Variants in TACC3 observed in about 807,000 individuals in gnomAD.
TACC3 encodes the protein transforming acidic coiled-coil containing protein 3.
Under a neutral mutation model 86.0 loss-of-function variants are expected in TACC3, and 52 were observed. The ratio of observed to expected loss-of-function variants is 0.60; its 90% confidence interval spans 0.48 to 0.76. TACC3 has a LOEUF of 0.76. Ranked by LOEUF, TACC3 falls within the 30% of genes least tolerant of loss-of-function variation. The pLI is 0.00. For missense variants in TACC3, 1,120 were observed against 1,070.4 expected (o/e 1.05, Z -0.65); for synonymous variants, 512 against 430.0 (o/e 1.19, Z -2.36).
chr4:1,723,497 C>T lies in TACC3; in HGVS notation c.76C>T (p.Pro26Ser), dbSNP rs1305650087. ...AGAAAATTGCGACTTCCTGTTTTCG[C>T]CACCAGAAGTTACCGGAAGATCGTC... ...NTENCDFLFS[P>S]PEVTGRSSVL... is the part of the protein sequence containing the mutation. Residue 26 changes from proline to serine, a missense_variant, in exon 2 of 16, where the codon CCA becomes TCA. Transcript: ENST00000313288. 1.2e-6 allele frequency: 2 copies of T among 1,613,668 alleles called. No homozygotes were observed. The highest frequency in any genetic ancestry group is 2.7e-5 in the African/African-American group (2 of 74,926).
At chr4:1,733,347 A>G (rs1368719447) in intron 6 of TACC3, among the ~76,000 whole-genome samples, 1 of 152,230 alleles carries the variant, frequency 6.6e-6, no homozygotes, top group Non-Finnish European at 1.5e-5. Flanking sequence ...GTCCCTTATC[A>G]GATGATGTTT....
In TACC3 at chr4:1,740,846, G is replaced by A. The variant is rs1006040037; in HGVS notation, c.2083G>A (p.Glu695Lys). The A allele has an allele frequency of 6.2e-7, 1 of 1,609,580 alleles. No homozygotes were observed. Among genetic ancestry groups the A allele is most frequent in the Non-Finnish European group, 8.5e-7 (1 of 1,178,964 alleles). The change falls in exon 13 of 16, where the codon GAA becomes AAA. Residue 695 changes from glutamate (E) to lysine (K), a missense_variant. Coordinates refer to ENST00000313288, the MANE Select transcript of TACC3 (RefSeq NM_006342.3). The part of the protein sequence containing the change: ...QAMEEVQKQK[E>K]LSKAEIQKVL... ...TCAAGAGGAAGTTCAGAAGCAGAAG[G>A]AACTTTCCAAAGCTGAAATCCAGAA...
At position 1,745,042 on chromosome 4, in the gene TACC3, C is replaced by T. The variant is rs1461548777; in HGVS notation, c.*29C>T. 2 of 1,580,988 alleles carry T rather than the reference C, an allele frequency of 1.3e-6. No homozygotes were observed. Among genetic ancestry groups the T allele is most frequent in the African/African-American group, 1.3e-5 (1 of 74,454 alleles). ...CCACGGAGCCGCTGTCCCCGCCCCC[C>T]TGCTCCCGTCTGTCTGTCCTGTCTG... is the stretch of plus-strand genomic sequence containing the variant. On this transcript the variant is annotated 3_prime_UTR_variant, in exon 16 of 16. Coordinates refer to ENST00000313288, the MANE Select transcript of TACC3 (RefSeq NM_006342.3).
chr4:1,739,647 C>A, intron 10 of TACC3, 55 bp from the exon 11 acceptor site: 1 of 1,520,856 alleles, frequency 6.6e-7, no homozygotes. Flanking sequence ...GTGGGGAGGT[C>A]CTGGGAGGGT....
chr4:1,733,730 C>T (rs993046836), intron 6 of TACC3, among the ~76,000 whole-genome samples: 21 of 152,324 alleles, frequency 1.4e-4, no homozygotes, highest in Admixed American at 3.9e-4. Context: ...GTAATCCTAG[C>T]ACTTTGGGAG....
At chr4:1,740,477 T>C in intron 12 of TACC3, 1 of 310,358 alleles carries the variant, frequency 3.2e-6, no homozygotes, top group Non-Finnish European at 6.0e-6. Flanking sequence ...GCCTGGCCCT[T>C]GCAGTCCCTC....
chr4:1,728,765 G>C lies in TACC3; in HGVS notation c.1363G>C (p.Glu455Gln). ...GTTGCATGCTGGGCCTGCCACGGAGGAGCCAGGTCCCTGTCTGAGCCAGTA... is the reference window on the plus strand; with the variant it reads ...GTTGCATGCTGGGCCTGCCACGGAGCAGCCAGGTCCCTGTCTGAGCCAGTA... ...EQLHAGPATE[E>Q]PGPCLSQQLH... Residue 455 changes from glutamate (E) to glutamine (Q), a missense_variant, in exon 4 of 16, where the codon GAG becomes CAG. Physicochemically the swap from Glu to Gln is conservative, Grantham distance 29. Transcript: ENST00000313288. The C allele has an allele frequency of 1.2e-6, 2 of 1,609,308 alleles. No individual in the cohort carries two copies. The highest frequency in any genetic ancestry group is 1.7e-6 in the Non-Finnish European group (2 of 1,178,512).
chr4:1,723,987 G>T, intron 3 of TACC3, 117 bp downstream of exon 3: 1 of 1,202,414 alleles, frequency 8.3e-7, no homozygotes. Flanking sequence ...TTGTTTGTTT[G>T]AGATGGAGTC....
rs1043122383 is a variant in TACC3 at position 1,737,416 on chromosome 4, G to C, written c.1836+88G>C. 54 of 1,369,762 alleles carry C rather than the reference G, an allele frequency of 3.9e-5. No individual in the cohort carries two copies. The Admixed American group carries it at 1.0e-3, about 26-fold the overall frequency. 84.9% of individuals were successfully genotyped at this position (1,369,762 alleles called of 1,614,324 possible). ...GGGCCTATATTTTCTATTCCTGGGG[G>C]TCTGAGCCTTTGGTTTTGTTGGGGG... is the stretch of plus-strand genomic sequence containing the variant. On this transcript the variant is annotated intron_variant, in intron 9 of 15. Transcript: ENST00000313288.
chr4:1,732,614 G>C (rs1718059128), intron 6 of TACC3, among the ~76,000 whole-genome samples: 1 of 152,242 alleles, frequency 6.6e-6, no homozygotes, highest in Non-Finnish European at 1.5e-5. Context: ...ATGGCATGTA[G>C]GGTTTGTCGC....
chr4:1,728,194 C>A lies in TACC3; in HGVS notation c.792C>A (p.Pro264=), dbSNP rs758170032. The stretch of plus-strand genomic sequence containing the variant: ...CTAAGGAAGCCTGCGGAGGAGCACC[C>A]CTGCAGGGTCTGCCTGGCGAAGCCC... ...AIPKEACGGA[P]LQGLPGEALG... Residue 264 remains proline, a synonymous_variant, in exon 4 of 16, where the codon CCC becomes CCA. Transcript: ENST00000313288. 1 of 1,611,726 alleles carries A rather than the reference C, an allele frequency of 6.2e-7. No individual in the cohort carries two copies. Among genetic ancestry groups the A allele is most frequent in the Non-Finnish European group, 8.5e-7 (1 of 1,179,522 alleles).
At chr4:1,730,732 G>A (rs530863103) in intron 4 of TACC3, 155 bp from the exon 5 acceptor site, 28 of 878,382 alleles carry the variant, frequency 3.2e-5, no homozygotes, top group South Asian at 1.2e-4. Context: ...TGGCCAGGTC[G>A]CTTGGGACAG....
intron 1 of TACC3, 104 bp downstream of exon 1, chr4:1,721,747 C>T (rs1297263000): frequency 6.6e-6 from 1 of 152,218 alleles, no homozygotes; most frequent in South Asian, 2.1e-4. Context: ...CCGGCCGCCG[C>T]TTTCCCCGGG....
At chr4:1,743,371 G>A (rs1019488286) in intron 13 of TACC3, among the ~76,000 whole-genome samples, 69 of 151,324 alleles carry the variant, frequency 4.6e-4, no homozygotes, top group African/African-American at 1.7e-3. Flanking sequence ...TGACCAACAT[G>A]GTGAAACCCT....
chr4:1,720,937 C>A, upstream of TACC3: 1 of 1,051,784 alleles, frequency 9.5e-7, no homozygotes, highest in South Asian at 3.3e-5. The surrounding 1 kb of genome is among the most constrained non-coding windows in gnomAD (Gnocchi z 4.4). Flanking sequence ...GCGGCCGCCG[C>A]CCGGCCGCCC....
chr4:1,737,647 C>G lies in TACC3; in HGVS notation c.1886C>G (p.Ser629Cys). ...GVPAPGGPPL[S>C]TGPIVDLLQY... ...CCCGCGCCTGGGGGCCCACCCCTGT[C>G]CACCGGACCTATAGTGGACCTGCTC... The change falls in exon 10 of 16, where the codon TCC becomes TGC. Residue 629 changes from serine (S) to cysteine (C), a missense_variant. Transcript: ENST00000313288. The G allele has an allele frequency of 6.5e-7, 1 of 1,546,092 alleles. No homozygotes were observed. The highest frequency in any genetic ancestry group is 8.7e-7 in the Non-Finnish European group (1 of 1,143,784).
chr4:1,735,548 A>G lies in TACC3; in HGVS notation c.1645-183A>G, dbSNP rs1388490057. On this transcript the variant is annotated intron_variant, in intron 7 of 15. Coordinates refer to ENST00000313288, the MANE Select transcript of TACC3 (RefSeq NM_006342.3). This position sits in a 1 kb window ranked among gnomAD's most constrained non-coding sequence, Gnocchi z 4.2. ...CTCTCTACCTGGTGCCTAGCCCAGG[A>G]TGAAACTCTGACACGCTGTGCTGCT... is the stretch of plus-strand genomic sequence containing the variant. 6.6e-6 allele frequency among the ~76,000 whole-genome samples: 1 copy of G among 151,716 alleles called. No homozygotes were observed. Among genetic ancestry groups the G allele is most frequent in the African/African-American group, 2.4e-5 (1 of 41,258 alleles).
chr4:1,725,752 A>G (rs935622691), intron 3 of TACC3, among the ~76,000 whole-genome samples: 8 of 152,114 alleles, frequency 5.3e-5, no homozygotes, highest in African/African-American at 1.9e-4. Context: ...CCTTTCTGGA[A>G]CTCTGCTGAG....
chr4:1,740,784 G>C (rs374499976), intron 12 of TACC3, 42 bp from the exon 13 acceptor site: 1 of 1,574,526 alleles, frequency 6.4e-7, no homozygotes, highest in Non-Finnish European at 8.6e-7. Context: ...CCATCGTTTC[G>C]GTTGCCTCCT....
Sources: gnomAD v4.1 joint callset for allele counts (sites outside exome capture counted in the v4.1 genomes callset) on GRCh38, gnomAD v4.1.1 for gene constraint, Gnocchi (gnomAD v3.1) non-coding constraint, MANE v1.5 for transcripts, NCBI Gene and HGNC (gene_info 2026-07-23, HGNC 2026-07-21) for gene names.